Variants in RTN1 observed in about 807,000 individuals in gnomAD.
The protein encoded by RTN1 is reticulon-1.
A neutral mutation model predicts 65.5 loss-of-function variants in RTN1; 25 were observed. That is an observed-to-expected ratio of 0.38 (90% CI 0.28 to 0.53). The LOEUF is 0.53. Among genes scored for constraint, RTN1 ranks in the 20% least tolerant of loss-of-function variants. The probability of loss-of-function intolerance (pLI) is 0.79; values close to 1 mark genes in which losing one functional copy is unlikely to be tolerated. For missense variants in RTN1, 983 were observed against 1,025.4 expected, an observed-to-expected ratio of 0.96 and a Z score of 0.57; for synonymous variants, 471 against 447.6, an observed-to-expected ratio of 1.05 and a Z score of -0.66.
At position 59,603,895 on chromosome 14, in the gene RTN1, G is replaced by T. The variant is rs1881660874; in HGVS notation, c.2139C>A (p.Thr713=). Residue 713 remains threonine, a synonymous_variant, in exon 6 of 9, where the codon ACC becomes ACA. Transcript: ENST00000267484. ...GGCCATTGAAGAGAGCGCCAACGTA[G>T]GTCAGGAGCCACATCAGGACTGCAA... is the stretch of plus-strand genomic sequence containing the variant. ...LKFAVLMWLL[T]YVGALFNGLT... 1.2e-6 allele frequency: 2 copies of T among 1,611,898 alleles called. No individual in the cohort carries two copies. Among genetic ancestry groups the T allele is most frequent in the African/African-American group, 2.7e-5 (2 of 74,854 alleles).
intron 3 of RTN1, among the ~76,000 whole-genome samples, chr14:59,652,852 A>G (rs2140200548): frequency 6.6e-6 from 1 of 152,294 alleles, no homozygotes; most frequent in Middle Eastern, 3.4e-3. Flanking sequence ...AGATAGATAA[A>G]TAAAAACAAT....
At chr14:59,665,030 C>G (rs1566677681) in intron 3 of RTN1, among the ~76,000 whole-genome samples, 1 of 152,110 alleles carries the variant, frequency 6.6e-6, no homozygotes, top group Non-Finnish European at 1.5e-5. Flanking sequence ...TTTAGCCATT[C>G]TGTTAATGTT....
rs982214323 is a variant in RTN1 at position 59,829,033 on chromosome 14, A to G, written c.241+41357T>C. 3.3e-5 allele frequency among the ~76,000 whole-genome samples: 5 copies of G among 152,178 alleles called. No homozygotes were observed. The highest frequency in any genetic ancestry group is 7.3e-5 in the Non-Finnish European group (5 of 68,032). ...TATCCTTGGATGATCCCACTGCTCA[A>G]TACTGAAGCAGCTGAATAATGATGG... On this transcript the variant is annotated intron_variant, in intron 1 of 8. Transcript: ENST00000267484. This position sits in a 1 kb window ranked among gnomAD's most constrained non-coding sequence, Gnocchi z 4.3.
At chr14:59,768,543 G>T (rs1195189806) in intron 1 of RTN1, among the ~76,000 whole-genome samples, 5 of 152,152 alleles carry the variant, frequency 3.3e-5, no homozygotes. Flanking sequence ...GCCCTGGATT[G>T]TGTGTAGAAG....
At chr14:59,601,952 C>T (rs12880697) in intron 8 of RTN1, among the ~76,000 whole-genome samples, 37,016 of 151,948 alleles carry the variant, frequency 0.24, 4,828 homozygotes, top group South Asian at 0.35. Flanking sequence ...ATTGGTTACA[C>T]CTGGGTCCAA....
intron 3 of RTN1, among the ~76,000 whole-genome samples, chr14:59,678,994 T>A (rs1594673738): frequency 6.6e-6 from 1 of 152,192 alleles, no homozygotes; most frequent in East Asian, 1.9e-4. Context: ...GTTCTTGAGT[T>A]CAACTGTGAT....
intron 1 of RTN1, among the ~76,000 whole-genome samples, chr14:59,764,999 T>C (rs937627646): frequency 1.3e-5 from 2 of 152,214 alleles, no homozygotes; most frequent in African/African-American, 4.8e-5. Flanking sequence ...CATGATTTTT[T>C]GAAGTGATCA....
rs8007528 is a variant in RTN1 at position 59,800,469 on chromosome 14, C to A, written c.242-53988G>T. On this transcript the variant is annotated intron_variant, in intron 1 of 8. Transcript: ENST00000267484. Reference sequence around the variant, plus strand: ...AGGCTGGAGGGCAGTGGCACGATCTCGGCTCACTGCAAGCTCTGCCTCCAG... The same window carrying A: ...AGGCTGGAGGGCAGTGGCACGATCTAGGCTCACTGCAAGCTCTGCCTCCAG... Among the ~76,000 whole-genome samples the A allele has an allele frequency of 2.2e-3, 342 of 152,262 alleles. 2 individuals are homozygous for A. The highest frequency in any genetic ancestry group is 7.7e-3 in the African/African-American group (319 of 41,550).
At chr14:59,714,098 G>GC (rs1884480748) in intron 3 of RTN1, among the ~76,000 whole-genome samples, 1 of 152,122 alleles carries the variant, frequency 6.6e-6, no homozygotes, top group South Asian at 2.1e-4. Context: ...GGCCAGGCAT[G>GC]GTGGCAGGCG....
intron 3 of RTN1, among the ~76,000 whole-genome samples, chr14:59,657,819 A>G (rs570223236): frequency 5.9e-5 from 9 of 151,696 alleles, no homozygotes; most frequent in Non-Finnish European, 1.0e-4. Flanking sequence ...CTGGACAGCC[A>G]TTTGGGCAGA....
rs1566713121 is a variant in RTN1 at position 59,750,111 on chromosome 14, T to TCTATAATATATAATATATATATTATAG, written c.242-3631_242-3630insCTATAATATATATATTATATATTATAG. 3.8e-3 allele frequency among the ~76,000 whole-genome samples: 245 copies of TCTATAATATATAATATATATATTATAG among 65,178 alleles called. 5 individuals carry two copies. The highest frequency in any genetic ancestry group is 0.019 in the African/African-American group (238 of 12,314). 42.8% of individuals were successfully genotyped at this position (65,178 alleles called of 152,430 possible). On this transcript the variant is annotated intron_variant, in intron 1 of 8. Coordinates refer to ENST00000267484, the MANE Select transcript of RTN1 (RefSeq NM_021136.3). ...CATATATATTATATATTATATATTA[T>TCTATAATATATAATATATATATTATAG]ATATAATATATATTATCTATAATAT...
chr14:59,700,945 T>C (rs1884165416), intron 3 of RTN1, among the ~76,000 whole-genome samples: 1 of 152,106 alleles, frequency 6.6e-6, no homozygotes, highest in African/African-American at 2.4e-5. Context: ...CAGAACAAGA[T>C]AAAATATTTG....
At chr14:59,869,480 G>C (rs1887852755) in intron 1 of RTN1, among the ~76,000 whole-genome samples, 1 of 151,784 alleles carries the variant, frequency 6.6e-6, no homozygotes, top group East Asian at 2.0e-4. Flanking sequence ...CTTTGACCAG[G>C]ATGCGCCAGG....
At chr14:59,851,792 G>A (rs1334469684) in intron 1 of RTN1, among the ~76,000 whole-genome samples, 1 of 151,266 alleles carries the variant, frequency 6.6e-6, no homozygotes, top group East Asian at 1.9e-4. Flanking sequence ...GGGAGGTGGA[G>A]GTTGCAGTGA....
chr14:59,678,222 G>C (rs1566682424), intron 3 of RTN1, among the ~76,000 whole-genome samples: 1 of 152,122 alleles, frequency 6.6e-6, no homozygotes, highest in Non-Finnish European at 1.5e-5. Flanking sequence ...GGGTGCGTGG[G>C]GAATGTGAAA....
chr14:59,712,943 T>G (rs1022579255), intron 3 of RTN1, among the ~76,000 whole-genome samples: 1 of 151,396 alleles, frequency 6.6e-6, no homozygotes, highest in Admixed American at 6.6e-5. Flanking sequence ...GTAACTGTAT[T>G]AGATTCTCCC....
At chr14:59,786,850 G>C (rs1261240448) in intron 1 of RTN1, among the ~76,000 whole-genome samples, 3 of 152,174 alleles carry the variant, frequency 2.0e-5, no homozygotes, top group Non-Finnish European at 2.9e-5. Flanking sequence ...GTGTTTAGCT[G>C]TAAGAGTCAC....
At chr14:59,645,850 C>T (rs12586787) in intron 3 of RTN1, among the ~76,000 whole-genome samples, 61,424 of 152,098 alleles carry the variant, frequency 0.4, 12,999 homozygotes, top group African/African-American at 0.51. Flanking sequence ...TAAGAGAACA[C>T]CTAAATGCAG....
intron 3 of RTN1, among the ~76,000 whole-genome samples, chr14:59,616,948 TC>T (rs1882119399): frequency 6.6e-6 from 1 of 152,328 alleles, no homozygotes; most frequent in South Asian, 2.1e-4. Flanking sequence ...TAAAATATAC[TC>T]CTATAAACAA....
Sources: gnomAD v4.1 joint callset for allele counts (sites outside exome capture counted in the v4.1 genomes callset) on GRCh38, gnomAD v4.1.1 for gene constraint, Gnocchi (gnomAD v3.1) non-coding constraint, MANE v1.5 for transcripts, NCBI Gene and HGNC (gene_info 2026-07-23, HGNC 2026-07-21) for gene names.